NCAM1: variants seen among roughly 807,000 people sequenced by gnomAD.
NCAM1 encodes the protein antigen recognized by monoclonal antibody 5.1H11.
In NCAM1, 14 loss-of-function variants were observed where a neutral mutation model predicts 109.8. The observed-to-expected ratio is 0.13, with a 90% CI of 0.08 to 0.20. The LOEUF (loss-of-function observed/expected upper bound fraction) is 0.20, where lower values mean the gene tolerates loss of function less well. Ranked by LOEUF, NCAM1 falls within the 10% of genes least tolerant of loss-of-function variation. The pLI is 1.00. For missense variants in NCAM1, 774 were observed against 1,109.9 expected (o/e 0.70, Z 4.30); for synonymous variants, 418 against 442.9 (o/e 0.94, Z 0.70).
intron 1 of NCAM1, among the ~76,000 whole-genome samples, chr11:112,986,266 G>A (rs1951301570): frequency 6.6e-6 from 1 of 151,914 alleles, no homozygotes. Flanking sequence ...ATATCCCCTT[G>A]ATTATGGTGA....
At position 113,202,393 on chromosome 11, in the gene NCAM1, G is replaced by A. The variant is rs1944094386; in HGVS notation, c.67G>A (p.Asp23Asn). ...TGTTTTTTCAGTTTCTCTGCAGGTGGATATTGTTCCCAGCCAGGGGGAGAT... is the reference window on the plus strand; with the variant it reads ...TGTTTTTTCAGTTTCTCTGCAGGTGAATATTGTTCCCAGCCAGGGGGAGAT... ...FLGTAVSLQVDIVPSQGEISV... is the reference protein window; with the variant it reads ...FLGTAVSLQVNIVPSQGEISV... The change falls in exon 2 of 20, where the codon GAT becomes AAT. Residue 23 changes from aspartate to asparagine, a missense_variant. By Grantham distance (23) the Asp-to-Asn change is conservative (BLOSUM62 1). Around this residue, in one of 4 missense-constraint regions of NCAM1, gnomAD observed 112 missense variants for 142.0 expected, o/e 0.79. Coordinates refer to ENST00000316851, the MANE Select transcript of NCAM1 (RefSeq NM_181351.5). 6.2e-7 allele frequency: 1 copy of A among 1,611,088 alleles called. No homozygotes were observed. The highest frequency in any genetic ancestry group is 1.3e-5 in the African/African-American group (1 of 74,456).
chr11:113,189,939 C>T (rs1299994590), intron 1 of NCAM1, among the ~76,000 whole-genome samples: 5 of 150,396 alleles, frequency 3.3e-5, no homozygotes, highest in Non-Finnish European at 7.4e-5. Context: ...ATTTGTATGA[C>T]TTATTAGCAG....
In NCAM1 at chr11:112,976,300, AATG is replaced by A. The variant is rs1423653180; in HGVS notation, c.52+14641_52+14643del. ...AACTTGCTCAACATGAGAGATTTAA[AATG>A]ATGAGTTCCACTGTGAGTTTAATCT... On this transcript the variant is annotated intron_variant, in intron 1 of 19. Coordinates refer to ENST00000316851, the MANE Select transcript of NCAM1 (RefSeq NM_181351.5). 2.6e-4 allele frequency among the ~76,000 whole-genome samples: 39 copies of A among 151,996 alleles called. 1 individual carries two copies. The highest frequency in any genetic ancestry group is 2.2e-3 in the Admixed American group (34 of 15,238).
chr11:113,217,979 A>G (rs1469543232), intron 8 of NCAM1, among the ~76,000 whole-genome samples: 1 of 152,220 alleles, frequency 6.6e-6, no homozygotes, highest in Non-Finnish European at 1.5e-5. Context: ...GTTTGAGTCC[A>G]TCTTTCTAAC....
At chr11:113,013,042 T>C (rs1444533887) in intron 1 of NCAM1, among the ~76,000 whole-genome samples, 2 of 152,190 alleles carry the variant, frequency 1.3e-5, no homozygotes, top group Non-Finnish European at 2.9e-5. Context: ...ATGTTAACAA[T>C]TGATGAATTT....
chr11:112,973,223 T>C (rs537487450), intron 1 of NCAM1, among the ~76,000 whole-genome samples: 17 of 152,194 alleles, frequency 1.1e-4, no homozygotes, highest in East Asian at 1.9e-4. Flanking sequence ...CAGGAGTGAT[T>C]GATTACTTTT....
intron 1 of NCAM1, among the ~76,000 whole-genome samples, chr11:113,176,708 A>G (rs1433861424): frequency 1.3e-5 from 2 of 151,848 alleles, no homozygotes; most frequent in African/African-American, 2.4e-5. Flanking sequence ...AAATCCTCTC[A>G]TTGTTTGTTT....
At position 113,275,388 on chromosome 11, in the gene NCAM1, T is replaced by G; in HGVS notation, c.*1T>G. ...AAAGGAGAACGAGAGCAAAGCATGA[T>G]GGGTGAAGAGAACCGAGCAAAGATC... On this transcript the variant is annotated 3_prime_UTR_variant, in exon 20 of 20. Coordinates refer to ENST00000316851, the MANE Select transcript of NCAM1 (RefSeq NM_181351.5). 6.2e-7 allele frequency: 1 copy of G among 1,612,040 alleles called. No individual in the cohort carries two copies. Among genetic ancestry groups the G allele is most frequent in the Non-Finnish European group, 8.5e-7 (1 of 1,179,046 alleles).
At chr11:113,211,414 GCAT>G (rs1944388795) in intron 7 of NCAM1, among the ~76,000 whole-genome samples, 1 of 152,156 alleles carries the variant, frequency 6.6e-6, no homozygotes. Flanking sequence ...TATCTAAGTG[GCAT>G]CATTCTTTCC....
At chr11:113,154,745 T>C (rs1555103162) in intron 1 of NCAM1, among the ~76,000 whole-genome samples, 3 of 152,186 alleles carry the variant, frequency 2.0e-5, no homozygotes, top group Non-Finnish European at 2.9e-5. Context: ...GAAGAAGGCA[T>C]CTGCTGAGAG....
At chr11:113,187,673 T>C (rs1591398356) in intron 1 of NCAM1, among the ~76,000 whole-genome samples, 1 of 152,132 alleles carries the variant, frequency 6.6e-6, no homozygotes, top group East Asian at 1.9e-4. Flanking sequence ...CCATGAAATG[T>C]GAAGCTATGT....
chr11:113,018,180 G>A (rs1300540725), intron 1 of NCAM1, among the ~76,000 whole-genome samples: 2 of 52,026 alleles, frequency 3.8e-5, no homozygotes, highest in African/African-American at 9.5e-5. Context: ...TTTTAATTGT[G>A]GTAAAAAAAA....
intron 1 of NCAM1, among the ~76,000 whole-genome samples, chr11:113,061,375 A>G (rs782357449): frequency 5.3e-5 from 8 of 152,196 alleles, no homozygotes; most frequent in Non-Finnish European, 1.0e-4. Flanking sequence ...TAATATTTTA[A>G]TTGAACAATT....
At position 113,260,861 on chromosome 11, in the gene NCAM1, A is replaced by T. The variant is rs2137655903; in HGVS notation, c.2131+538A>T. ...TCTCAATGGAAACAGATTAAATTGA[A>T]CCACTTGTAATAGAACAAGTGGAGA... On this transcript the variant is annotated intron_variant, in intron 17 of 19. Transcript: ENST00000316851. Among the ~76,000 whole-genome samples the T allele has an allele frequency of 2.0e-5, 3 of 152,278 alleles. No individual in the cohort carries two copies. The Middle Eastern group carries it at 0.01, about 518-fold the overall frequency.
chr11:112,991,508 GA>G (rs78099423), intron 1 of NCAM1, among the ~76,000 whole-genome samples: 12 of 149,378 alleles, frequency 8.0e-5, no homozygotes, highest in Admixed American at 2.0e-4. Context: ...GGCCTGAAAA[GA>G]AAAAAAAAAG....
At chr11:113,039,022 A>G (rs1413394075) in intron 1 of NCAM1, among the ~76,000 whole-genome samples, 1 of 152,200 alleles carries the variant, frequency 6.6e-6, no homozygotes, top group East Asian at 1.9e-4. Context: ...GTCTACTTAT[A>G]CGACATAGAT....
At chr11:113,218,533 C>G (rs1403299259) in intron 8 of NCAM1, among the ~76,000 whole-genome samples, 1 of 152,132 alleles carries the variant, frequency 6.6e-6, no homozygotes, top group African/African-American at 2.4e-5. Context: ...TACTAACTTT[C>G]TAATGGAATA....
At chr11:112,965,356 C>T (rs1950704505) in intron 1 of NCAM1, among the ~76,000 whole-genome samples, 1 of 152,122 alleles carries the variant, frequency 6.6e-6, no homozygotes, top group African/African-American at 2.4e-5. Context: ...TAGTCTGTAG[C>T]ACCCCCAAAT....
chr11:113,036,781 G>T (rs1469997731), intron 1 of NCAM1, among the ~76,000 whole-genome samples: 3 of 152,144 alleles, frequency 2.0e-5, no homozygotes, highest in African/African-American at 7.2e-5. Context: ...CAAGGAAATT[G>T]ATGCCCTACA....
Sources: gnomAD v4.1 joint callset for allele counts (sites outside exome capture counted in the v4.1 genomes callset) on GRCh38, gnomAD v4.1.1 for gene constraint, gnomAD v4.1.1 regional missense constraint, MANE v1.5 for transcripts, NCBI Gene and HGNC (gene_info 2026-07-23, HGNC 2026-07-21) for gene names.